TAF4B: variants seen among roughly 807,000 people sequenced by gnomAD.
TAF4B encodes TATA-box binding protein associated factor 4b.
TAF4B carries 38 observed loss-of-function variants against 86.4 expected under a neutral mutation model. The ratio of observed to expected loss-of-function variants is 0.44; its 90% confidence interval spans 0.34 to 0.58. TAF4B has a LOEUF of 0.58. Ranked by LOEUF, TAF4B falls within the 20% of genes least tolerant of loss-of-function variation. The probability of loss-of-function intolerance (pLI) is 0.02; values close to 1 mark genes in which losing one functional copy is unlikely to be tolerated. For synonymous variants in TAF4B, 388 were observed against 391.2 expected (o/e 0.99, Z 0.10); for missense variants, 988 against 1,027.6 (o/e 0.96, Z 0.53).
intron 1 of TAF4B, among the ~76,000 whole-genome samples, chr18:26,247,696 A>G (rs1200867490): frequency 5.3e-5 from 8 of 152,152 alleles, no homozygotes; most frequent in African/African-American, 1.9e-4. Context: ...AGCCTCGCCA[A>G]CATAGCAAAA....
intron 11 of TAF4B, among the ~76,000 whole-genome samples, chr18:26,322,414 A>C (rs911838062): frequency 6.6e-6 from 1 of 152,104 alleles, no homozygotes; most frequent in Non-Finnish European, 1.5e-5. Context: ...GAAAAAAACA[A>C]AAAATTAATA....
Position 26,293,584 on chromosome 18 carries a change from A to G in TAF4B, c.1832+53A>G, listed in dbSNP as rs1018394987. 6 of 1,179,814 alleles carry G rather than the reference A, an allele frequency of 5.1e-6. No individual in the cohort carries two copies. The African/African-American group carries it at 7.7e-5, about 15-fold the overall frequency. 73.1% of individuals were successfully genotyped at this position (1,179,814 alleles called of 1,614,324 possible). A position where few individuals can be genotyped will look rare whatever the true frequency, so the allele number is the denominator to read the frequency against. On this transcript the variant is annotated intron_variant, in intron 9 of 14. Coordinates refer to ENST00000269142, the MANE Select transcript of TAF4B (RefSeq NM_005640.3). The stretch of plus-strand genomic sequence containing the variant: ...TTAAGGAAGTAATTTTTTTTTAAAA[A>G]GGAGAGATGACAGAATAATACCTTA...
chr18:26,252,476 A>G (rs2056020389), intron 1 of TAF4B, among the ~76,000 whole-genome samples: 1 of 152,160 alleles, frequency 6.6e-6, no homozygotes, highest in African/African-American at 2.4e-5. Flanking sequence ...ACCCATGGTC[A>G]ACTGCCTCCA....
chr18:26,253,091 T>C (rs145347131), intron 1 of TAF4B, among the ~76,000 whole-genome samples: 2 of 152,196 alleles, frequency 1.3e-5, no homozygotes, highest in South Asian at 2.1e-4. Context: ...CTGAATATAA[T>C]GTTGAACAAA....
At chr18:26,369,588 C>T (rs1051701608) in intron 14 of TAF4B, among the ~76,000 whole-genome samples, 2 of 152,182 alleles carry the variant, frequency 1.3e-5, no homozygotes, top group Non-Finnish European at 2.9e-5. Flanking sequence ...AGGGTGAGGA[C>T]AACAGATGCT....
intron 9 of TAF4B, among the ~76,000 whole-genome samples, chr18:26,296,108 G>C (rs1235381618): frequency 6.6e-6 from 1 of 151,176 alleles, no homozygotes; most frequent in African/African-American, 2.4e-5. Context: ...ATTTATGTCA[G>C]TTTTTCCCTT....
chr18:26,296,974 A>G (rs1297568045), intron 9 of TAF4B, among the ~76,000 whole-genome samples: 1 of 152,034 alleles, frequency 6.6e-6, no homozygotes, highest in African/African-American at 2.4e-5. Flanking sequence ...CCCTGTCTCT[A>G]CCGAAAATAT....
At chr18:26,315,146 G>GTT (rs1555681426) in intron 9 of TAF4B, 83 bp from the exon 10 acceptor site, 4,683 of 151,800 alleles carry the variant, frequency 0.031, 167 homozygotes, top group Middle Eastern at 0.045. Flanking sequence ...CTCTCTCTCT[G>GTT]TCTCTCTCTC....
intron 12 of TAF4B, among the ~76,000 whole-genome samples, chr18:26,331,050 T>A (rs190687143): frequency 6.6e-6 from 1 of 152,280 alleles, no homozygotes; most frequent in East Asian, 1.9e-4. Context: ...CGTAAGGATA[T>A]GGAGCACCAC....
rs74398322 is a variant in TAF4B at position 26,257,293 on chromosome 18, G to T, written c.344-7877G>T. ...TGTGCTTAAAATGTTACATCGTGTTGATCTGTTAGCCCCATCATTACAAAA... is the reference window on the plus strand; with the variant it reads ...TGTGCTTAAAATGTTACATCGTGTTTATCTGTTAGCCCCATCATTACAAAA... On this transcript the variant is annotated intron_variant, in intron 1 of 14. Transcript: ENST00000269142. Among the ~76,000 whole-genome samples, 1,197 of 152,180 alleles carry T rather than the reference G, an allele frequency of 7.9e-3. 14 individuals carry two copies. Among genetic ancestry groups the T allele is most frequent in the African/African-American group, 0.027 (1,133 of 41,514 alleles).
Position 26,246,579 on chromosome 18 carries a change from G to A in TAF4B, c.344-18591G>A, listed in dbSNP as rs192456127. 3.3e-5 allele frequency among the ~76,000 whole-genome samples: 5 copies of A among 151,400 alleles called. No individual in the cohort carries two copies. In the East Asian group the frequency reaches 5.8e-4, roughly 18 times the overall value. On this transcript the variant is annotated intron_variant, in intron 1 of 14. Coordinates refer to ENST00000269142, the MANE Select transcript of TAF4B (RefSeq NM_005640.3). ...GATGGAGTCTCACTCTGTCGCCCAC[G>A]CTGGAGTGCAGTGGCGCGATCTCAG...
At chr18:26,283,206 CG>C (rs2056471015) in intron 6 of TAF4B, among the ~76,000 whole-genome samples, 1 of 152,084 alleles carries the variant, frequency 6.6e-6, no homozygotes, top group Non-Finnish European at 1.5e-5. Context: ...ACTTTGCCCC[CG>C]GATTCATCAG....
At chr18:26,252,788 T>C (rs1212738505) in intron 1 of TAF4B, among the ~76,000 whole-genome samples, 1 of 150,526 alleles carries the variant, frequency 6.6e-6, no homozygotes, top group Non-Finnish European at 1.5e-5. Flanking sequence ...TTCTATTCTA[T>C]TTTTATTTTT....
At chr18:26,255,393 G>A (rs1233303139) in intron 1 of TAF4B, among the ~76,000 whole-genome samples, 1 of 151,694 alleles carries the variant, frequency 6.6e-6, no homozygotes, top group Non-Finnish European at 1.5e-5. Context: ...AAAAATAGGA[G>A]GGTCATTTGA....
At chr18:26,248,959 G>A (rs1020204428) in intron 1 of TAF4B, among the ~76,000 whole-genome samples, 3 of 151,072 alleles carry the variant, frequency 2.0e-5, no homozygotes, top group Non-Finnish European at 4.4e-5. Flanking sequence ...GGATCATGAC[G>A]TCAGGAGATC....
chr18:26,240,363 C>T (rs1598712471), intron 1 of TAF4B, among the ~76,000 whole-genome samples: 2 of 152,004 alleles, frequency 1.3e-5, no homozygotes, highest in African/African-American at 4.8e-5. Flanking sequence ...ATGGGAGTTC[C>T]CTCAGGATTT....
Position 26,286,021 on chromosome 18 carries a change from T to C in TAF4B, c.1112T>C (p.Val371Ala). 6.2e-7 allele frequency: 1 copy of C among 1,614,184 alleles called. No homozygotes were observed. Among genetic ancestry groups the C allele is most frequent in the Non-Finnish European group, 8.5e-7 (1 of 1,180,024 alleles). Residue 371 changes from valine to alanine, a missense_variant, in exon 7 of 15, where the codon GTG (valine) becomes GCG (alanine). By Grantham distance (64) the Val-to-Ala change is moderately conservative. Around this residue, in one of 3 missense-constraint regions of TAF4B, gnomAD observed 747 missense variants for 737.9 expected, o/e 1.01. Coordinates refer to ENST00000269142, the MANE Select transcript of TAF4B (RefSeq NM_005640.3). ...VTTSPVVTTT[V>A]SSSQSEKSII... ...ACTTCTCCTGTGGTGACAACTACAG[T>C]GTCCTCAAGCCAGTCTGAAAAGTCA...
chr18:26,241,600 A>T (rs889282681), intron 1 of TAF4B, among the ~76,000 whole-genome samples: 2 of 151,500 alleles, frequency 1.3e-5, no homozygotes, highest in Non-Finnish European at 2.9e-5. Flanking sequence ...TTCTGCTCTG[A>T]TCTTAGTTAT....
intron 14 of TAF4B, among the ~76,000 whole-genome samples, chr18:26,387,132 C>G (rs1567934785): frequency 6.6e-6 from 1 of 152,142 alleles, no homozygotes; most frequent in African/African-American, 2.4e-5. Flanking sequence ...GTGGCATGAT[C>G]TTGGCTCACT....
Sources: gnomAD v4.1 joint callset for allele counts (sites outside exome capture counted in the v4.1 genomes callset) on GRCh38, gnomAD v4.1.1 for gene constraint, gnomAD v4.1.1 regional missense constraint, MANE v1.5 for transcripts, NCBI Gene and HGNC (gene_info 2026-07-23, HGNC 2026-07-21) for gene names.